The following LRRTM4 variants were observed in gnomAD, a reference collection of about 807,000 sequenced individuals.
The protein encoded by LRRTM4 is leucine rich repeat transmembrane neuronal 4, also known as leucine-rich repeat transmembrane neuronal protein 4.
A neutral mutation model predicts 47.6 loss-of-function variants in LRRTM4; 25 were observed. The observed-to-expected ratio is 0.53, with a 90% CI of 0.38 to 0.73. The LOEUF (loss-of-function observed/expected upper bound fraction) is 0.73, where lower values mean the gene tolerates loss of function less well. Among genes scored for constraint, LRRTM4 ranks in the 30% least tolerant of loss-of-function variants. The pLI, the probability that LRRTM4 is intolerant of heterozygous loss-of-function variation, is 0.00. For synonymous variants in LRRTM4, 311 were observed against 269.5 expected (o/e 1.15, Z -1.51); for missense variants, 638 against 713.4 (o/e 0.89, Z 1.20).
Position 77,002,660 on chromosome 2 carries a change from G to A in LRRTM4, c.1552-253744C>T, listed in dbSNP as rs553768604. Reference sequence around the variant, plus strand: ...TCCCAAGACTTTACTCCACAGTGCCGTTTTTGATTTCTGAAAACACCTTGT... The same window carrying A: ...TCCCAAGACTTTACTCCACAGTGCCATTTTTGATTTCTGAAAACACCTTGT... On this transcript the variant is annotated intron_variant, in intron 3 of 3. Coordinates refer to ENST00000409884, the MANE Select transcript of LRRTM4 (RefSeq NM_001134745.3). Among the ~76,000 whole-genome samples the A allele has an allele frequency of 7.2e-5, 11 of 152,186 alleles. No homozygotes were observed. The South Asian group carries it at 1.2e-3, about 17-fold the overall frequency.
At chr2:77,256,165 G>T (rs1267015026) in intron 3 of LRRTM4, among the ~76,000 whole-genome samples, 1 of 151,940 alleles carries the variant, frequency 6.6e-6, no homozygotes, top group Non-Finnish European at 1.5e-5. Context: ...AAATTAATTT[G>T]ACAACACAGG....
chr2:77,472,832 T>C (rs1446714406), intron 3 of LRRTM4, among the ~76,000 whole-genome samples: 3 of 152,054 alleles, frequency 2.0e-5, no homozygotes, highest in Non-Finnish European at 2.9e-5. Context: ...ATAAGCTATA[T>C]GGCTGGTGAA....
intron 3 of LRRTM4, among the ~76,000 whole-genome samples, chr2:77,433,831 A>T (rs987868442): frequency 2.6e-5 from 4 of 152,204 alleles, no homozygotes; most frequent in African/African-American, 9.6e-5. Context: ...CCGATCTTTG[A>T]GCTGGGGCAT....
chr2:76,824,245 T>C (rs1671131568), intron 3 of LRRTM4, among the ~76,000 whole-genome samples: 1 of 151,616 alleles, frequency 6.6e-6, no homozygotes, highest in African/African-American at 2.4e-5. Context: ...GTATAATCTT[T>C]CAATATTCCT....
intron 3 of LRRTM4, among the ~76,000 whole-genome samples, chr2:77,428,755 T>C (rs1052030331): frequency 1.3e-5 from 2 of 152,220 alleles, no homozygotes; most frequent in Non-Finnish European, 2.9e-5. Context: ...ATATAACTAT[T>C]GCATGTTCTT....
intron 3 of LRRTM4, among the ~76,000 whole-genome samples, chr2:77,503,081 A>G (rs1033124499): frequency 5.3e-5 from 8 of 151,078 alleles, no homozygotes; most frequent in Middle Eastern, 3.4e-3. Flanking sequence ...TTCTCATTCT[A>G]TCAACAATAG....
chr2:76,957,934 G>A (rs1675729576), intron 3 of LRRTM4, among the ~76,000 whole-genome samples: 1 of 151,500 alleles, frequency 6.6e-6, no homozygotes, highest in African/African-American at 2.4e-5. Flanking sequence ...ATATATATGT[G>A]TGTGTGTATA....
intron 3 of LRRTM4, among the ~76,000 whole-genome samples, chr2:77,508,013 A>T (rs138847804): frequency 1.3e-5 from 2 of 152,170 alleles, no homozygotes; most frequent in African/African-American, 4.8e-5. Context: ...GAAGAGTTCT[A>T]GCTCAAGTGA....
intron 3 of LRRTM4, among the ~76,000 whole-genome samples, chr2:76,982,071 T>C (rs1254207065): frequency 6.6e-6 from 1 of 152,074 alleles, no homozygotes; most frequent in Non-Finnish European, 1.5e-5. Context: ...TATTTTCTCA[T>C]ATTAAGTTCT....
At position 77,324,583 on chromosome 2, in the gene LRRTM4, G is replaced by A. The variant is rs555502560; in HGVS notation, c.1551+193735C>T. Among the ~76,000 whole-genome samples, 29 of 152,244 alleles carry A rather than the reference G, an allele frequency of 1.9e-4. No homozygotes were observed. In the South Asian group the frequency reaches 5.6e-3, roughly 29 times the overall value. On this transcript the variant is annotated intron_variant, in intron 3 of 3. Coordinates refer to ENST00000409884, the MANE Select transcript of LRRTM4 (RefSeq NM_001134745.3). The stretch of plus-strand genomic sequence containing the variant: ...CAGCCCTGAGACAGGAAATAACTTT[G>A]TGCTCTTAGGAAACTCTTAACATCT...
At chr2:77,194,071 G>T (rs1471974443) in intron 3 of LRRTM4, among the ~76,000 whole-genome samples, 1 of 152,092 alleles carries the variant, frequency 6.6e-6, no homozygotes, top group Admixed American at 6.6e-5. Context: ...GATGGTTATT[G>T]AGAAACATAA....
At chr2:77,486,489 A>G (rs1677915413) in intron 3 of LRRTM4, among the ~76,000 whole-genome samples, 1 of 152,196 alleles carries the variant, frequency 6.6e-6, no homozygotes, top group Admixed American at 6.5e-5. Flanking sequence ...AACACACGGC[A>G]TAATTGTGGA....
chr2:77,256,508 G>A (rs576997907), intron 3 of LRRTM4, among the ~76,000 whole-genome samples: 2 of 152,138 alleles, frequency 1.3e-5, no homozygotes, highest in East Asian at 3.9e-4. Context: ...GAATCATGGG[G>A]GTGCATCTTT....
intron 3 of LRRTM4, among the ~76,000 whole-genome samples, chr2:77,088,084 T>A (rs1316097043): frequency 1.3e-5 from 2 of 152,188 alleles, no homozygotes; most frequent in Non-Finnish European, 2.9e-5. Context: ...CAGCTTCATG[T>A]CAAGTTAAAT....
chr2:77,488,103 G>A (rs1395501154), intron 3 of LRRTM4, among the ~76,000 whole-genome samples: 1 of 152,186 alleles, frequency 6.6e-6, no homozygotes, highest in Non-Finnish European at 1.5e-5. Context: ...AAGAGAGAAG[G>A]AGAGAGGAGC....
intron 3 of LRRTM4, among the ~76,000 whole-genome samples, chr2:77,210,082 T>C (rs1674249411): frequency 6.6e-6 from 1 of 152,188 alleles, no homozygotes; most frequent in African/African-American, 2.4e-5. Context: ...CCAAGACCTA[T>C]TTTATTTACA....
Position 77,094,171 on chromosome 2 carries a change from A to G in LRRTM4, c.1552-345255T>C, listed in dbSNP as rs1670742959. On this transcript the variant is annotated intron_variant, in intron 3 of 3. Transcript: ENST00000409884. The stretch of plus-strand genomic sequence containing the variant: ...CCAACAAAAAAAGCAATTTAAAAAC[A>G]TTCCATGTATAATAGCAACACAAAA... Among the ~76,000 whole-genome samples, 5 of 152,218 alleles carry G rather than the reference A, an allele frequency of 3.3e-5. No individual in the cohort carries two copies. In the South Asian group the frequency reaches 1.0e-3, roughly 31 times the overall value.
intron 3 of LRRTM4, among the ~76,000 whole-genome samples, chr2:76,794,499 T>C (rs1436740563): frequency 6.6e-6 from 1 of 152,222 alleles, no homozygotes; most frequent in Non-Finnish European, 1.5e-5. Context: ...ATTACTGGTA[T>C]AGGCAAACAT....
At chr2:76,807,112 A>T (rs569387764) in intron 3 of LRRTM4, among the ~76,000 whole-genome samples, 18 of 152,060 alleles carry the variant, frequency 1.2e-4, no homozygotes, top group African/African-American at 3.9e-4. Context: ...CTACAAACCT[A>T]CCCCAATATG....
Sources: gnomAD v4.1 joint callset for allele counts (sites outside exome capture counted in the v4.1 genomes callset) on GRCh38, gnomAD v4.1.1 for gene constraint, MANE v1.5 for transcripts, NCBI Gene and HGNC (gene_info 2026-07-23, HGNC 2026-07-21) for gene names.